Variants in TUBGCP5 observed in about 807,000 individuals in gnomAD.
The protein encoded by TUBGCP5 is gamma-tubulin complex component 5.
A neutral mutation model predicts 134.7 loss-of-function variants in TUBGCP5; 98 were observed. That is an observed-to-expected ratio of 0.73 (90% CI 0.62 to 0.86). The LOEUF is 0.86. Ranked by LOEUF, TUBGCP5 falls within the 40% of genes least tolerant of loss-of-function variation. TUBGCP5 has a pLI of 0.00. For missense variants in TUBGCP5, 1,150 were observed against 1,244.8 expected (o/e 0.92, Z 1.15); for synonymous variants, 456 against 431.4 (o/e 1.06, Z -0.71).
Position 23,031,753 on chromosome 15 carries a change from T to C in TUBGCP5, c.486+197A>G, listed in dbSNP as rs185225982. 1.9e-3 allele frequency among the ~76,000 whole-genome samples: 285 copies of C among 152,250 alleles called. 1 individual carries two copies. The highest frequency in any genetic ancestry group is 3.4e-3 in the Middle Eastern group (1 of 294). The stretch of plus-strand genomic sequence containing the variant: ...AGGAGATTACAGATGTGAGCCACCA[T>C]GCCCGGCCCCTTTTAACTTCTTACC... On this transcript the variant is annotated intron_variant, in intron 5 of 22. Coordinates refer to ENST00000615383, the MANE Select transcript of TUBGCP5 (RefSeq NM_052903.6).
At chr15:23,030,191 G>C (rs996332274) in intron 6 of TUBGCP5, among the ~76,000 whole-genome samples, 2 of 151,732 alleles carry the variant, frequency 1.3e-5, no homozygotes, top group Non-Finnish European at 2.9e-5. Context: ...TGAGACCCTT[G>C]TCTCCAAAAA....
rs1386850131 is a variant in TUBGCP5, at chr15:23,030,882, T to C, written c.622+3A>G. On this transcript the variant is annotated splice_donor_region_variant and intron_variant, in intron 6 of 22. Transcript: ENST00000615383. ...AATGCGAGCACCTCATAACACATAA[T>C]ACCTTTCCAACTGATACAAGGATCC... 1 of 1,609,844 alleles carries C rather than the reference T, an allele frequency of 6.2e-7. No individual in the cohort carries two copies. Among genetic ancestry groups the C allele is most frequent in the Non-Finnish European group, 8.5e-7 (1 of 1,179,114 alleles).
chr15:22,993,733 T>TG (rs1395540745), intron 23 of TUBGCP5, among the ~76,000 whole-genome samples: 3 of 150,724 alleles, frequency 2.0e-5, no homozygotes, highest in Non-Finnish European at 4.4e-5. Context: ...TCAGTAGAGA[T>TG]GGGGTTTCAC....
chr15:22,984,227 CTACTA>C (rs1255809117), intron 23 of TUBGCP5, among the ~76,000 whole-genome samples: 4 of 152,226 alleles, frequency 2.6e-5, no homozygotes, highest in Non-Finnish European at 5.9e-5. Flanking sequence ...AGAAATGAGA[CTACTA>C]TACAGCAATG....
At chr15:23,000,000 T>G (rs1321791025) in intron 22 of TUBGCP5, 134 bp from the exon 23 acceptor site, 2 of 797,716 alleles carry the variant, frequency 2.5e-6, no homozygotes, top group East Asian at 5.5e-5. Context: ...AACCTCTGCC[T>G]CCCGGGTTCA....
chr15:23,029,863 AGAGT>A (rs553578312), intron 6 of TUBGCP5, among the ~76,000 whole-genome samples: 27 of 151,842 alleles, frequency 1.8e-4, no homozygotes, highest in African/African-American at 6.5e-4. Flanking sequence ...CCTGGGCGAC[AGAGT>A]GAGACTCCGT....
chr15:22,997,998 T>C (rs1595804681), downstream of TUBGCP5, among the ~76,000 whole-genome samples: 1 of 152,002 alleles, frequency 6.6e-6, no homozygotes, highest in African/African-American at 2.4e-5. Flanking sequence ...ATTCAAAATA[T>C]AACTGGTTAG....
rs1160221844 is a variant in TUBGCP5, at chr15:23,013,755, G to A, written c.1757-2424C>T. Among the ~76,000 whole-genome samples the A allele has an allele frequency of 2.0e-5, 3 of 152,274 alleles. No individual in the cohort carries two copies. Among genetic ancestry groups the A allele is most frequent in the South Asian group, 2.1e-4 (1 of 4,822 alleles). ...ACGCAGCTGCCTTGCCCCGGGTTAG[G>A]GGCACAAGGTGTGCCTTCCCCACCC... On this transcript the variant is annotated intron_variant, in intron 13 of 22. Coordinates refer to ENST00000615383, the MANE Select transcript of TUBGCP5 (RefSeq NM_052903.6). The surrounding 1 kb of genome is among the most constrained non-coding windows in gnomAD (Gnocchi z 4.5).
intron 23 of TUBGCP5, among the ~76,000 whole-genome samples, chr15:22,993,489 C>G (rs1312301522): frequency 1.3e-5 from 2 of 148,624 alleles, no homozygotes; most frequent in South Asian, 2.1e-4. Context: ...CCTCGACCTC[C>G]TGGGCTCAAA....
At chr15:22,995,065 G>A (rs2064005935), downstream of TUBGCP5, among the ~76,000 whole-genome samples, 1 of 152,110 alleles carries the variant, frequency 6.6e-6, no homozygotes, top group South Asian at 2.1e-4. Context: ...CTAACACGGT[G>A]AGACCCCATC....
intron 23 of TUBGCP5, among the ~76,000 whole-genome samples, chr15:22,993,260 C>T (rs193188075): frequency 3.9e-4 from 60 of 152,056 alleles, no homozygotes; most frequent in African/African-American, 1.2e-3. Flanking sequence ...CCACCATGCC[C>T]GGCTAACTTT....
chr15:22,998,807 G>A (rs2064212863), downstream of TUBGCP5, among the ~76,000 whole-genome samples: 1 of 152,156 alleles, frequency 6.6e-6, no homozygotes, highest in Non-Finnish European at 1.5e-5. Flanking sequence ...AGTAGAGACG[G>A]GGTTTCACCA....
At chr15:22,993,558 AAT>A (rs2063933654) in intron 23 of TUBGCP5, among the ~76,000 whole-genome samples, 1 of 33,498 alleles carries the variant, frequency 3.0e-5, no homozygotes, top group Non-Finnish European at 5.8e-5. Context: ...TTTTTTTTTT[AAT>A]ATGAGACGGA....
chr15:22,996,722 A>T (rs1020196174), downstream of TUBGCP5: 1 of 152,184 alleles, frequency 6.6e-6, no homozygotes, highest in African/African-American at 2.4e-5. Context: ...TCCTGGCCTC[A>T]AGTGATCGGT....
At chr15:23,012,699 A>G (rs973992494) in intron 13 of TUBGCP5, among the ~76,000 whole-genome samples, 7 of 152,268 alleles carry the variant, frequency 4.6e-5, no homozygotes, top group East Asian at 1.9e-4. Context: ...AACTTTGAAT[A>G]TATTAAATTG....
Position 23,003,632 on chromosome 15 carries a change from GTTTTTTTTTTT to G in TUBGCP5, c.2838+459_2838+469del, listed in dbSNP as rs531926227. Among the ~76,000 whole-genome samples, 41 of 88,686 alleles carry G rather than the reference GTTTTTTTTTTT, an allele frequency of 4.6e-4. 2 individuals are homozygous for G. The highest frequency in any genetic ancestry group is 3.4e-3 in the East Asian group (13 of 3,828). 58.2% of individuals were successfully genotyped at this position (88,686 alleles called of 152,430 possible). The stretch of plus-strand genomic sequence containing the variant: ...CTACGAATAGGGCACTCCTCCTTCT[GTTTTTTTTTTT>G]TTTTTTTTTTTTTTTTTTAAGAGAC... On this transcript the variant is annotated intron_variant, in intron 20 of 22. Transcript: ENST00000615383.
At chr15:23,025,786 GAGC>G (rs538568443) in intron 8 of TUBGCP5, among the ~76,000 whole-genome samples, 57 of 148,532 alleles carry the variant, frequency 3.8e-4, no homozygotes, top group Non-Finnish European at 6.4e-4. Context: ...AGCTGAGATA[GAGC>G]TACTGCACTC....
chr15:23,029,880 C>CA (rs34652007), intron 6 of TUBGCP5, among the ~76,000 whole-genome samples: 31 of 142,882 alleles, frequency 2.2e-4, no homozygotes, highest in East Asian at 4.2e-4. Context: ...GACTCCGTCT[C>CA]AAAAAAAGGG....
At chr15:22,996,234 T>A (rs1158082534), downstream of TUBGCP5, among the ~76,000 whole-genome samples, 1 of 152,216 alleles carries the variant, frequency 6.6e-6, no homozygotes, top group Non-Finnish European at 1.5e-5. Flanking sequence ...TTGCTCTAAA[T>A]CCTTGAAAAT....
Sources: allele counts gnomAD v4.1 joint callset (sites outside exome capture counted in the v4.1 genomes callset), GRCh38; gene constraint gnomAD v4.1.1; non-coding constraint Gnocchi (gnomAD v3.1); transcripts MANE v1.5; gene names NCBI Gene and HGNC (gene_info 2026-07-23, HGNC 2026-07-21).